The following CYRIB variants were observed in gnomAD, a reference collection of about 807,000 sequenced individuals.
The protein encoded by CYRIB is CYFIP related Rac1 interactor B, also known as CYFIP-related Rac1 interactor B.
In CYRIB, 8 loss-of-function variants were observed where a neutral mutation model predicts 44.2. That is an observed-to-expected ratio of 0.18 (90% CI 0.11 to 0.33). CYRIB has a LOEUF of 0.33. CYRIB is among the 10% of genes least tolerant of loss of function. CYRIB has a pLI of 1.00. For synonymous variants in CYRIB, 131 were observed against 127.2 expected (o/e 1.03, Z -0.20); for missense variants, 185 against 382.8 (o/e 0.48, Z 4.31).
chr8:129,993,686 AACTC>A (rs1459362894), intron 1 of CYRIB, among the ~76,000 whole-genome samples: 1 of 151,178 alleles, frequency 6.6e-6, no homozygotes, highest in Non-Finnish European at 1.5e-5. Context: ...GACAGAGTGA[AACTC>A]TCTCTCAAAA....
chr8:129,969,665 C>G (rs1216695190), intron 2 of CYRIB, among the ~76,000 whole-genome samples: 1 of 152,200 alleles, frequency 6.6e-6, no homozygotes. Context: ...GTCTTTCCTT[C>G]AGCACTGGAT....
chr8:129,930,415 C>G (rs1039481353), intron 1 of CYRIB, among the ~76,000 whole-genome samples: 2 of 68,618 alleles, frequency 2.9e-5, no homozygotes, highest in African/African-American at 9.9e-5. Flanking sequence ...ACCCTCCTAC[C>G]CAAACTAGGC....
chr8:130,010,086 C>T lies in CYRIB; in HGVS notation c.-296+6284G>A, dbSNP rs577773041. Among the ~76,000 whole-genome samples, 212 of 152,320 alleles carry T rather than the reference C, an allele frequency of 1.4e-3. 2 individuals carry two copies. The South Asian group carries it at 0.027, about 19-fold the overall frequency. ...CACTGTCCTTCCCCCACCTTCTTAT[C>T]AAAGGATGCTGGTGCTGGGAGGGGG... is the stretch of plus-strand genomic sequence containing the variant. On this transcript the variant is annotated intron_variant, in intron 1 of 14. Coordinates refer to the CYRIB transcript ENST00000401979.
At chr8:129,933,843 C>T (rs2092242711) in intron 1 of CYRIB, among the ~76,000 whole-genome samples, 1 of 151,664 alleles carries the variant, frequency 6.6e-6, no homozygotes, top group East Asian at 1.9e-4. Context: ...CATTGCACTC[C>T]GGCCTGGGTG....
intron 2 of CYRIB, among the ~76,000 whole-genome samples, chr8:129,968,333 T>A (rs980894326): frequency 6.6e-5 from 10 of 152,258 alleles, no homozygotes; most frequent in African/African-American, 2.4e-4. Context: ...TCAATTCAGC[T>A]GCTCTTCAAG....
At chr8:129,868,911 A>T (rs372322741) in intron 4 of CYRIB, among the ~76,000 whole-genome samples, 1 of 132,266 alleles carries the variant, frequency 7.6e-6, no homozygotes, top group South Asian at 2.5e-4. Context: ...AAAAAAAAAA[A>T]CCCGGGCTGG....
At chr8:129,855,890 A>G in intron 5 of CYRIB, 143 bp from the exon 8 acceptor site, 1 of 750,154 alleles carries the variant, frequency 1.3e-6, no homozygotes. Flanking sequence ...AAAACTAATT[A>G]AGAAGTTTAA....
intron 11 of CYRIB, 139 bp from the exon 14 acceptor site, chr8:129,842,344 G>A: frequency 3.1e-6 from 2 of 639,862 alleles, no homozygotes; most frequent in Non-Finnish European, 5.5e-6. Context: ...CTTTAACCCT[G>A]TTCAGGTTCT....
chr8:129,942,002 G>A (rs1590728066), upstream of CYRIB, among the ~76,000 whole-genome samples: 1 of 152,094 alleles, frequency 6.6e-6, no homozygotes, highest in South Asian at 2.1e-4. Flanking sequence ...CTGGCCTAGG[G>A]AGCTTACAGT....
At chr8:129,970,517 T>C (rs984095420) in intron 2 of CYRIB, 2 of 151,808 alleles carry the variant, frequency 1.3e-5, no homozygotes, top group African/African-American at 4.8e-5. Flanking sequence ...CCTCCTGGGT[T>C]CAAGTGAGTA....
chr8:129,935,040 G>A (rs879417366), intron 1 of CYRIB, among the ~76,000 whole-genome samples: 21 of 152,170 alleles, frequency 1.4e-4, no homozygotes, highest in Non-Finnish European at 4.4e-5. Context: ...ACTGGTTGCA[G>A]AAAATAAAAA....
intron 1 of CYRIB, among the ~76,000 whole-genome samples, chr8:129,996,337 G>A (rs767110942): frequency 6.6e-6 from 1 of 152,014 alleles, no homozygotes; most frequent in Non-Finnish European, 1.5e-5. Context: ...TATCAGCACT[G>A]GGTCTCCTTC....
At chr8:129,900,515 T>C (rs1438257923) in intron 2 of CYRIB, among the ~76,000 whole-genome samples, 1 of 152,208 alleles carries the variant, frequency 6.6e-6, no homozygotes, top group African/African-American at 2.4e-5. Context: ...GTACAGCTTA[T>C]ACTACTGATG....
At chr8:129,995,348 G>A (rs1369026865) in intron 1 of CYRIB, among the ~76,000 whole-genome samples, 1 of 152,190 alleles carries the variant, frequency 6.6e-6, no homozygotes, top group Non-Finnish European at 1.5e-5. Context: ...CAGAGAACAA[G>A]TGTGAAGCAG....
intron 4 of CYRIB, chr8:129,864,877 T>A (rs926761972): frequency 7.6e-6 from 3 of 396,710 alleles, no homozygotes; most frequent in South Asian, 4.0e-5. Context: ...CATAAAGCTA[T>A]AGAAGAAGTC....
chr8:129,950,574 A>G, intron 2 of CYRIB, among the ~76,000 whole-genome samples: 1 of 150,642 alleles, frequency 6.6e-6, no homozygotes, highest in Admixed American at 6.6e-5. Context: ...TCTCAAAGAA[A>G]AAAAAAAAAA....
Position 129,960,039 on chromosome 8 carries a change from A to T in CYRIB, c.-243+10904T>A, listed in dbSNP as rs77335066. 8.9e-3 allele frequency among the ~76,000 whole-genome samples: 1,351 copies of T among 152,334 alleles called. 24 individuals carry two copies. The highest frequency in any genetic ancestry group is 0.031 in the African/African-American group (1,286 of 41,578). Reference sequence around the variant, plus strand: ...TACCTCTACAATTTTTGGTTATGTGAGCCACTTAACTGCTTTTATCAATTA... The same window carrying T: ...TACCTCTACAATTTTTGGTTATGTGTGCCACTTAACTGCTTTTATCAATTA... On this transcript the variant is annotated intron_variant, in intron 2 of 14. Coordinates refer to the CYRIB transcript ENST00000401979.
intron 2 of CYRIB, among the ~76,000 whole-genome samples, chr8:129,897,665 C>T (rs1460297241): frequency 2.0e-5 from 3 of 150,760 alleles, no homozygotes; most frequent in African/African-American, 4.9e-5. Context: ...GCATGGTGGG[C>T]GGCTAATGCC....
intron 1 of CYRIB, among the ~76,000 whole-genome samples, chr8:129,910,127 T>C (rs758371379): frequency 9.2e-5 from 14 of 152,208 alleles, no homozygotes; most frequent in Non-Finnish European, 1.9e-4. Flanking sequence ...TATGGGTTTA[T>C]GTACCAGGCA....
Sources: allele counts gnomAD v4.1 joint callset (sites outside exome capture counted in the v4.1 genomes callset), GRCh38; gene constraint gnomAD v4.1.1; transcripts MANE v1.5; gene names NCBI Gene and HGNC (gene_info 2026-07-23, HGNC 2026-07-21).